MAP3K7: variants seen among roughly 807,000 people sequenced by gnomAD.
MAP3K7 encodes the protein TGF-beta activated kinase 1.
In MAP3K7, 21 loss-of-function variants were observed where a neutral mutation model predicts 84.8. The ratio of observed to expected loss-of-function variants is 0.25; its 90% CI spans 0.18 to 0.36. The LOEUF is 0.36. MAP3K7 is among the 10% of genes least tolerant of loss of function. The probability of loss-of-function intolerance (pLI) is 1.00; values close to 1 mark genes in which losing one functional copy is unlikely to be tolerated. For missense variants in MAP3K7, 503 were observed against 747.7 expected (o/e 0.67, Z 3.82); for synonymous variants, 241 against 247.7 (o/e 0.97, Z 0.25).
chr6:90,560,550 T>C (rs1014674915), intron 4 of MAP3K7, among the ~76,000 whole-genome samples: 4 of 152,002 alleles, frequency 2.6e-5, no homozygotes, highest in Admixed American at 6.6e-5. Context: ...TTAGTAGAGA[T>C]AGGGTATCAC....
chr6:90,560,026 TGA>T, intron 5 of MAP3K7, 48 bp downstream of exon 5: 1 of 1,607,712 alleles, frequency 6.2e-7, no homozygotes, highest in East Asian at 2.2e-5. Flanking sequence ...GTGGTGAGAG[TGA>T]GAGAGAAGGA....
chr6:90,525,464 C>A (rs898600513), intron 13 of MAP3K7, among the ~76,000 whole-genome samples: 1 of 152,124 alleles, frequency 6.6e-6, no homozygotes, highest in Non-Finnish European at 1.5e-5. Flanking sequence ...GCTGGGATTA[C>A]AGGCATGAGC....
chr6:90,585,633 T>C (rs1480850127), intron 1 of MAP3K7, among the ~76,000 whole-genome samples: 1 of 152,236 alleles, frequency 6.6e-6, no homozygotes, highest in Non-Finnish European at 1.5e-5. Flanking sequence ...CTAAATTTTA[T>C]AGTCATTAGA....
chr6:90,546,611 G>A (rs1261326115), intron 11 of MAP3K7, among the ~76,000 whole-genome samples: 1 of 152,084 alleles, frequency 6.6e-6, no homozygotes, highest in Non-Finnish European at 1.5e-5. Context: ...ACAGAATTAG[G>A]TTGTCAGTTT....
chr6:90,563,737 G>A (rs571402725), intron 3 of MAP3K7, among the ~76,000 whole-genome samples: 6 of 152,198 alleles, frequency 3.9e-5, no homozygotes, highest in South Asian at 2.1e-4. Context: ...GATACTCCTC[G>A]AGAAGAGCAA....
intron 1 of MAP3K7, among the ~76,000 whole-genome samples, chr6:90,581,160 ACAAGT>A (rs1458796408): frequency 6.6e-6 from 1 of 152,228 alleles, no homozygotes; most frequent in East Asian, 1.9e-4. Flanking sequence ...ATTCCTTCAG[ACAAGT>A]CATGTTAAAG....
In MAP3K7 at chr6:90,523,658, T is replaced by C. The variant is rs866871764; in HGVS notation, c.1462+20A>G. ...CATGACTGATTCAACTTCATAAGTA[T>C]GAAGAAACAGACTGGTCACCTGTGG... On this transcript the variant is annotated intron_variant, in intron 14 of 16. Transcript: ENST00000369329. 1 of 1,528,258 alleles carries C rather than the reference T, an allele frequency of 6.5e-7. No homozygotes were observed. The highest frequency in any genetic ancestry group is 9.1e-7 in the Non-Finnish European group (1 of 1,102,306). The allele number at this position is 1,528,258 out of a possible 1,614,324, so 94.7% of individuals were successfully genotyped here.
chr6:90,524,723 A>G (rs909958949), intron 13 of MAP3K7, among the ~76,000 whole-genome samples: 2 of 152,036 alleles, frequency 1.3e-5, no homozygotes, highest in Admixed American at 1.3e-4. Context: ...ATAGTGATAA[A>G]CAGGGAAATA....
At chr6:90,586,662 G>A in intron 1 of MAP3K7, 102 bp downstream of exon 1, 2 of 1,458,998 alleles carry the variant, frequency 1.4e-6, no homozygotes, top group Admixed American at 2.4e-5. Flanking sequence ...GCAGGGTCCC[G>A]CGAATTAGAG....
At position 90,582,604 on chromosome 6, in the gene MAP3K7, C is replaced by T. The variant is rs6939277; in HGVS notation, c.120+4160G>A. On this transcript the variant is annotated intron_variant, in intron 1 of 16. Transcript: ENST00000369329. ...GTCATCTTAAGTTATGGGGGAACAG[C>T]GCTTTAGGCAGAGGAACAACTACAA... 8.9e-4 allele frequency among the ~76,000 whole-genome samples: 135 copies of T among 152,234 alleles called. 1 individual carries two copies. In the East Asian group the frequency reaches 0.016, roughly 18 times the overall value.
At chr6:90,516,706 T>G (rs1352835299) in intron 16 of MAP3K7, 25 bp from the exon 17 acceptor site, 34 of 1,554,526 alleles carry the variant, frequency 2.2e-5, no homozygotes, top group Non-Finnish European at 2.9e-5. Context: ...CACATAATAT[T>G]ACACATGATG....
At position 90,516,552 on chromosome 6, in the gene MAP3K7, T is replaced by G. The variant is rs1432698401; in HGVS notation, c.1770A>C (p.Lys590Asn). 1 of 1,612,728 alleles carries G rather than the reference T, an allele frequency of 6.2e-7. No homozygotes were observed. The highest frequency in any genetic ancestry group is 1.7e-5 in the Admixed American group (1 of 59,900). Residue 590 changes from lysine to asparagine, a missense_variant, in exon 17 of 17, where the codon AAA becomes AAC. Around this residue, in one of 5 missense-constraint regions of MAP3K7, gnomAD observed 43 missense variants for 47.3 expected, o/e 0.91. Coordinates refer to ENST00000369329, the MANE Select transcript of MAP3K7 (RefSeq NM_145331.3). ...SLSTYYQQCK[K>N]QLEVIRSQQQ... The stretch of plus-strand genomic sequence containing the variant: ...GCTGACTTCTGATGACCTCTAGTTG[T>G]TTTTTGCATTGCTGGTAGTAAGTAG...
intron 12 of MAP3K7, among the ~76,000 whole-genome samples, chr6:90,541,071 A>T (rs1157739126): frequency 6.6e-6 from 1 of 151,892 alleles, no homozygotes; most frequent in Non-Finnish European, 1.5e-5. Flanking sequence ...CAAAACAATG[A>T]TCTGTGTTCT....
chr6:90,531,415 A>G (rs1229999075), intron 13 of MAP3K7, among the ~76,000 whole-genome samples: 1 of 152,220 alleles, frequency 6.6e-6, no homozygotes, highest in Non-Finnish European at 1.5e-5. Context: ...TATTCTTGCT[A>G]AAGTAACATC....
At position 90,582,383 on chromosome 6, in the gene MAP3K7, C is replaced by A. The variant is rs1411560564; in HGVS notation, c.120+4381G>T. ...CATTGAACAAATATGTATAGAGAAC[C>A]TTCTAGGTTCTAGGCATTGGGGTTA... On this transcript the variant is annotated intron_variant, in intron 1 of 16. Coordinates refer to ENST00000369329, the MANE Select transcript of MAP3K7 (RefSeq NM_145331.3). Among the ~76,000 whole-genome samples, 5 of 152,288 alleles carry A rather than the reference C, an allele frequency of 3.3e-5. No individual in the cohort carries two copies. The South Asian group carries it at 6.2e-4, about 19-fold the overall frequency.
At chr6:90,565,808 T>A (rs1776683065) in intron 3 of MAP3K7, among the ~76,000 whole-genome samples, 1 of 151,934 alleles carries the variant, frequency 6.6e-6, no homozygotes, top group African/African-American at 2.4e-5. Flanking sequence ...GATGCAAAAA[T>A]CCTCAATAAA....
At chr6:90,544,043 A>G (rs1338755227) in intron 12 of MAP3K7, among the ~76,000 whole-genome samples, 4 of 152,082 alleles carry the variant, frequency 2.6e-5, no homozygotes. Context: ...ATTTAGCTTT[A>G]CTTTTTGTTT....
At chr6:90,569,347 G>C (rs1182656317) in intron 2 of MAP3K7, among the ~76,000 whole-genome samples, 1 of 152,096 alleles carries the variant, frequency 6.6e-6, no homozygotes, top group East Asian at 1.9e-4. Context: ...AACCTGAACT[G>C]CTGCAGTGAT....
At chr6:90,560,291 A>G in intron 4 of MAP3K7, 77 bp from the exon 5 acceptor site, 2 of 1,450,004 alleles carry the variant, frequency 1.4e-6, no homozygotes, top group African/African-American at 1.4e-5. Flanking sequence ...AAGCACTATC[A>G]GAACACATGA....
Sources: gnomAD v4.1 joint callset for allele counts (sites outside exome capture counted in the v4.1 genomes callset) on GRCh38, gnomAD v4.1.1 for gene constraint, gnomAD v4.1.1 regional missense constraint, MANE v1.5 for transcripts, NCBI Gene and HGNC (gene_info 2026-07-23, HGNC 2026-07-21) for gene names.